KRT6C: variants seen among roughly 807,000 people sequenced by gnomAD.
KRT6C encodes the protein keratin, type II cytoskeletal 6C.
In KRT6C, 46 loss-of-function variants were observed where a neutral mutation model predicts 49.4. The ratio of observed to expected loss-of-function variants is 0.93; its 90% CI spans 0.74 to 1.19. The LOEUF (loss-of-function observed/expected upper bound fraction) is 1.19. KRT6C is among the 50% of genes most tolerant of loss of function. KRT6C has a pLI of 0.00. For synonymous variants in KRT6C, 236 were observed against 297.1 expected (o/e 0.79, Z 2.12); for missense variants, 552 against 737.5 (o/e 0.75, Z 2.91).
At chr12:52,471,350 C>T in intron 4 of KRT6C, 54 bp from the exon 5 acceptor site, 3 of 1,614,186 alleles carry the variant, frequency 1.9e-6, no homozygotes, top group South Asian at 1.1e-5. Flanking sequence ...TACAGAGATA[C>T]CCAACCCTAT....
Position 52,471,183 on chromosome 12 carries a change from C to T in KRT6C, c.1026G>A (p.Glu342=). ...CAGCCCGGCTCCTCTGAGCAATCTC[C>T]TCGTATTGGGCCTTGACCTCAGCGA... ...SIIAEVKAQY[E]EIAQRSRAEA... The change falls in exon 5 of 9, where the codon GAG becomes GAA. Residue 342 remains glutamate (E), a synonymous_variant. Coordinates refer to ENST00000252250, the MANE Select transcript of KRT6C (RefSeq NM_173086.5). 1 of 1,614,198 alleles carries T rather than the reference C, an allele frequency of 6.2e-7. No individual in the cohort carries two copies.
chr12:52,469,183 C>T lies in KRT6C; in HGVS notation c.1574G>A (p.Gly525Asp), dbSNP rs1265421998. The T allele has an allele frequency of 6.2e-7, 1 of 1,614,026 alleles. No individual in the cohort carries two copies. Among genetic ancestry groups the T allele is most frequent in the Admixed American group, 1.7e-5 (1 of 60,024 alleles). The stretch of plus-strand genomic sequence containing the variant: ...TCTGCCACTGCTGGAACTGAAGCCA[C>T]CTCCAATGCCAAGACCACTGCCATA... ...YSYGSGLGIG[G>D]GFSSSSGRAI... The change falls in exon 9 of 9, where the codon GGT (glycine) becomes GAT (aspartate). Residue 525 changes from glycine (G) to aspartate (D), a missense_variant. Around this residue, in one of 3 missense-constraint regions of KRT6C, gnomAD observed 425 missense variants for 439.4 expected, o/e 0.97. Coordinates refer to ENST00000252250, the MANE Select transcript of KRT6C (RefSeq NM_173086.5).
Position 52,469,656 on chromosome 12 carries a change from C to A in KRT6C, c.1424+14G>T, listed in dbSNP as rs778818283. ...TGGACTCAGCTGTTGGAGGAAGTCGCGTCAGTTACCTACCTGCACTCCTCG... is the reference window on the plus strand; with the variant it reads ...TGGACTCAGCTGTTGGAGGAAGTCGAGTCAGTTACCTACCTGCACTCCTCG... On this transcript the variant is annotated intron_variant, in intron 7 of 8. Coordinates refer to ENST00000252250, the MANE Select transcript of KRT6C (RefSeq NM_173086.5). The A allele has an allele frequency of 5.0e-6, 8 of 1,614,022 alleles. No individual in the cohort carries two copies. The East Asian group carries it at 1.3e-4, about 27-fold the overall frequency.
intron 1 of KRT6C, 34 bp downstream of exon 1, chr12:52,473,164 G>A: frequency 7.1e-7 from 1 of 1,405,896 alleles, no homozygotes; most frequent in Non-Finnish European, 9.9e-7. Context: ...TGGGGACCCT[G>A]AAGTGCCCGA....
Position 52,469,155 on chromosome 12 carries a change from G to A in KRT6C, c.1602C>T (p.Ala534=). 6.2e-7 allele frequency: 1 copy of A among 1,614,018 alleles called. No individual in the cohort carries two copies. The highest frequency in any genetic ancestry group is 8.5e-7 in the Non-Finnish European group (1 of 1,179,894). ...CAACAGAGCTGAGGCCACCCCCAAT[G>A]GCTCTGCCACTGCTGGAACTGAAGC... ...GGGFSSSSGR[A]IGGGLSSVGG... Residue 534 remains alanine (A), a synonymous_variant, in exon 9 of 9, where the codon GCC becomes GCT. Coordinates refer to ENST00000252250, the MANE Select transcript of KRT6C (RefSeq NM_173086.5).
intron 4 of KRT6C, 57 bp downstream of exon 4, chr12:52,471,364 T>C: frequency 6.2e-7 from 1 of 1,614,130 alleles, no homozygotes; most frequent in Non-Finnish European, 8.5e-7. Context: ...ACCCTATACA[T>C]CTTCTCCCCT....
In KRT6C at chr12:52,468,939, C is replaced by A; in HGVS notation, c.*123G>T. On this transcript the variant is annotated 3_prime_UTR_variant, in exon 9 of 9. Transcript: ENST00000252250. ...GAAGTGAGGGCACTAAGCATCCATA[C>A]CCAGCTCTACCTCGGAGAGCAGGGA... 7.8e-7 allele frequency: 1 copy of A among 1,279,588 alleles called. No homozygotes were observed. The highest frequency in any genetic ancestry group is 1.1e-6 in the Non-Finnish European group (1 of 906,494). 79.3% of individuals were successfully genotyped at this position (1,279,588 alleles called of 1,614,324 possible).
Position 52,471,223 on chromosome 12 carries a change from T to G in KRT6C, c.986A>C (p.Asp329Ala), listed in dbSNP as rs147113111. ...VLSMDNNRNLDLDSIIAEVKA... is the reference protein window; with the variant it reads ...VLSMDNNRNLALDSIIAEVKA... ...GACCTCAGCGATGATGCTGTCCAGG[T>G]CCAGGTTGCGGTTGTTGTCCATGGA... The change falls in exon 5 of 9, where the codon GAC (aspartate) becomes GCC (alanine). Residue 329 changes from aspartate to alanine, a missense_variant. Transcript: ENST00000252250. The G allele has an allele frequency of 7.5e-5, 121 of 1,614,166 alleles. No individual in the cohort carries two copies. Among genetic ancestry groups the G allele is most frequent in the Non-Finnish European group, 1.0e-4 (118 of 1,180,018 alleles).
Position 52,468,811 on chromosome 12 carries a change from G to A in KRT6C, c.*251C>T. 2 of 546,566 alleles carry A rather than the reference G, an allele frequency of 3.7e-6. No homozygotes were observed. The highest frequency in any genetic ancestry group is 6.5e-6 in the Non-Finnish European group (2 of 307,362). The allele number at this position is 546,566 out of a possible 1,614,324, so 33.9% of individuals were successfully genotyped here. ...TTGGAGGCAAGAAATTAATAATTTA[G>A]TAACAAAGTGAAGCTCCATTGGTGA... On this transcript the variant is annotated 3_prime_UTR_variant, in exon 9 of 9. Coordinates refer to ENST00000252250, the MANE Select transcript of KRT6C (RefSeq NM_173086.5).
chr12:52,469,184 C>T lies in KRT6C; in HGVS notation c.1573G>A (p.Gly525Ser), dbSNP rs760710357. 31 of 1,614,024 alleles carry T rather than the reference C, an allele frequency of 1.9e-5. No individual in the cohort carries two copies. Among genetic ancestry groups the T allele is most frequent in the Non-Finnish European group, 2.5e-5 (30 of 1,179,882 alleles). The change falls in exon 9 of 9, where the codon GGT (glycine) becomes AGT (serine). Residue 525 changes from glycine to serine, a missense_variant. Physicochemically the swap from Gly to Ser is moderately conservative, Grantham distance 56 (BLOSUM62 0). Around this residue, in one of 3 missense-constraint regions of KRT6C, gnomAD observed 425 missense variants for 439.4 expected, o/e 0.97. Coordinates refer to ENST00000252250, the MANE Select transcript of KRT6C (RefSeq NM_173086.5). ...YSYGSGLGIG[G>S]GFSSSSGRAI... Reference sequence around the variant, plus strand: ...CTGCCACTGCTGGAACTGAAGCCACCTCCAATGCCAAGACCACTGCCATAG... The same window carrying T: ...CTGCCACTGCTGGAACTGAAGCCACTTCCAATGCCAAGACCACTGCCATAG...
At position 52,468,877 on chromosome 12, in the gene KRT6C, G is replaced by A; in HGVS notation, c.*185C>T. On this transcript the variant is annotated 3_prime_UTR_variant, in exon 9 of 9. Transcript: ENST00000252250. ...AAATCAAAGGTTGATCTGATGGTGA[G>A]CAATGGGTGCTCAGATGGGGCAGGT... 1 of 670,266 alleles carries A rather than the reference G, an allele frequency of 1.5e-6. No individual in the cohort carries two copies. The highest frequency in any genetic ancestry group is 2.6e-6 in the Non-Finnish European group (1 of 389,818). 41.5% of individuals were successfully genotyped at this position (670,266 alleles called of 1,614,324 possible).
chr12:52,469,971 T>C (rs1937845501), intron 6 of KRT6C, 81 bp from the exon 7 acceptor site: 5 of 1,497,204 alleles, frequency 3.3e-6, no homozygotes, highest in South Asian at 1.2e-5. Flanking sequence ...ACCAGGGTCC[T>C]GTAACCCAAA....
intron 6 of KRT6C, chr12:52,470,171 G>T: frequency 1.7e-6 from 1 of 601,854 alleles, no homozygotes; most frequent in Admixed American, 2.9e-5. Context: ...ATGAATGCTC[G>T]GTTTGTACTG....
chr12:52,469,578 C>T (rs527543729), intron 7 of KRT6C, 92 bp downstream of exon 7: 13 of 1,612,498 alleles, frequency 8.1e-6, no homozygotes, highest in South Asian at 4.4e-5. Flanking sequence ...AGAGCAATTA[C>T]GGCCATGAGC....
rs1377830641 is a variant in KRT6C at position 52,471,000 on chromosome 12, A to G, written c.1077+132T>C. ...ATAAGTTCCCCAAATGTCTACTCTA[A>G]TAGTGCAGAGTGCATGTCCTGTGAG... On this transcript the variant is annotated intron_variant, in intron 5 of 8. Transcript: ENST00000252250. 2.7e-6 allele frequency: 4 copies of G among 1,470,740 alleles called. No homozygotes were observed. In the East Asian group the frequency reaches 6.8e-5, roughly 25 times the overall value. The allele number at this position is 1,470,740 out of a possible 1,614,324, so 91.1% of individuals were successfully genotyped here.
rs1937820527 is a variant in KRT6C, at chr12:52,468,956, G to C, written c.*106C>G. 1.4e-6 allele frequency: 2 copies of C among 1,441,454 alleles called. No individual in the cohort carries two copies. The highest frequency in any genetic ancestry group is 1.9e-6 in the Non-Finnish European group (2 of 1,036,488). The allele number at this position is 1,441,454 out of a possible 1,614,324, so 89.3% of individuals were successfully genotyped here. A position where few individuals can be genotyped will look rare whatever the true frequency, so the allele number is the denominator to read the frequency against. ...CATCCATACCCAGCTCTACCTCGGA[G>C]AGCAGGGAAGACTAGAGGCCAGGAG... On this transcript the variant is annotated 3_prime_UTR_variant, in exon 9 of 9. Coordinates refer to ENST00000252250, the MANE Select transcript of KRT6C (RefSeq NM_173086.5).
rs1296929393 is a variant in KRT6C at position 52,471,405 on chromosome 12, T to C, written c.912+16A>G. 3.1e-6 allele frequency: 5 copies of C among 1,613,882 alleles called. No individual in the cohort carries two copies. In the African/African-American group the frequency reaches 6.7e-5, roughly 22 times the overall value. ...GACCCCATCAGAGTAAACAGAAGGA[T>C]GGTGGAGATGCTTACTGCATCATAC... On this transcript the variant is annotated intron_variant, in intron 4 of 8. Coordinates refer to ENST00000252250, the MANE Select transcript of KRT6C (RefSeq NM_173086.5).
In KRT6C at chr12:52,469,393, G is replaced by T; in HGVS notation, c.1459+18C>A. 6.2e-7 allele frequency: 1 copy of T among 1,614,024 alleles called. No homozygotes were observed. Among genetic ancestry groups the T allele is most frequent in the Non-Finnish European group, 8.5e-7 (1 of 1,179,904 alleles). ...AAGAGTGCGAGGGCAGGGGAGGAAG[G>T]CAAGCAAAGGTACTTACAGACGTTG... On this transcript the variant is annotated intron_variant, in intron 8 of 8. Coordinates refer to ENST00000252250, the MANE Select transcript of KRT6C (RefSeq NM_173086.5).
Position 52,473,259 on chromosome 12 carries a change from C to G in KRT6C, c.479G>C (p.Arg160Pro). ...CTTGATCTGCTCACGCTCCTCGGCC[C>G]GCACCCGCTGGATGGCGGGGTCAAT... ...LQIDPAIQRV[R>P]AEEREQIKTL... is the part of the protein sequence containing the mutation. The change falls in exon 1 of 9, where the codon CGG (arginine) becomes CCG (proline). Residue 160 changes from arginine to proline, a missense_variant. By Grantham distance (103) the Arg-to-Pro change is moderately radical. Coordinates refer to ENST00000252250, the MANE Select transcript of KRT6C (RefSeq NM_173086.5). 1 of 1,553,736 alleles carries G rather than the reference C, an allele frequency of 6.4e-7. No individual in the cohort carries two copies. Among genetic ancestry groups the G allele is most frequent in the Non-Finnish European group, 8.8e-7 (1 of 1,134,484 alleles).
Sources: allele counts gnomAD v4.1 joint callset, GRCh38; gene constraint gnomAD v4.1.1; regional missense constraint gnomAD v4.1.1; transcripts MANE v1.5; gene names NCBI Gene and HGNC (gene_info 2026-07-23, HGNC 2026-07-21).